The following MCMDC2 variants were observed in gnomAD, a reference collection of about 807,000 sequenced individuals.
The protein encoded by MCMDC2 is minichromosome maintenance domain-containing protein 2.
MCMDC2 carries 54 observed loss-of-function variants against 75.8 expected under a neutral mutation model. The ratio of observed to expected loss-of-function variants is 0.71; its 90% CI spans 0.57 to 0.89. The LOEUF (loss-of-function observed/expected upper bound fraction) is 0.89. Ranked by LOEUF, MCMDC2 falls within the 40% of genes least tolerant of loss-of-function variation. MCMDC2 has a pLI of 0.00. For missense variants in MCMDC2, 656 were observed against 780.4 expected, an observed-to-expected ratio of 0.84 and a Z score of 1.90; for synonymous variants, 249 against 274.6, an observed-to-expected ratio of 0.91 and a Z score of 0.92.
chr8:66,891,741 A>G (rs1401546818), intron 10 of MCMDC2, among the ~76,000 whole-genome samples: 1 of 152,206 alleles, frequency 6.6e-6, no homozygotes, highest in Non-Finnish European at 1.5e-5. Flanking sequence ...CCTGCTGAGG[A>G]TAAGCCAGGA....
At chr8:66,911,417 G>C (rs1813116919) in intron 14 of MCMDC2, among the ~76,000 whole-genome samples, 1 of 152,160 alleles carries the variant, frequency 6.6e-6, no homozygotes, top group Non-Finnish European at 1.5e-5. Flanking sequence ...ATGCTGAACT[G>C]TGAGTCAATT....
chr8:66,881,877 G>A (rs1811583762), intron 8 of MCMDC2, among the ~76,000 whole-genome samples: 1 of 152,184 alleles, frequency 6.6e-6, no homozygotes, highest in Admixed American at 6.5e-5. Context: ...TGGCTCACAA[G>A]TATCTAAATA....
chr8:66,914,745 A>G (rs959886695), intron 14 of MCMDC2, among the ~76,000 whole-genome samples: 10 of 152,246 alleles, frequency 6.6e-5, no homozygotes, highest in African/African-American at 2.2e-4. Flanking sequence ...GTGGGAGACC[A>G]GTTGTTGTAG....
intron 1 of MCMDC2, among the ~76,000 whole-genome samples, chr8:66,871,994 C>A (rs1224543694): frequency 6.6e-6 from 1 of 152,134 alleles, no homozygotes; most frequent in African/African-American, 2.4e-5. Flanking sequence ...CGTACATAAT[C>A]TGGCCTCACC....
At chr8:66,880,397 C>T (rs1811504205) in intron 7 of MCMDC2, among the ~76,000 whole-genome samples, 1 of 152,032 alleles carries the variant, frequency 6.6e-6, no homozygotes, top group African/African-American at 2.4e-5. Flanking sequence ...GTCTCAAAAA[C>T]AAACAAAAAG....
chr8:66,907,575 T>C (rs576010015), intron 14 of MCMDC2, among the ~76,000 whole-genome samples: 18 of 152,312 alleles, frequency 1.2e-4, no homozygotes, highest in African/African-American at 4.1e-4. Context: ...TTAAAATCCT[T>C]TGGGTATATA....
Position 66,896,325 on chromosome 8 carries a change from A to T in MCMDC2, c.1435A>T (p.Ile479Phe). 1 of 1,606,554 alleles carries T rather than the reference A, an allele frequency of 6.2e-7. No homozygotes were observed. The highest frequency in any genetic ancestry group is 1.3e-5 in the African/African-American group (1 of 74,710). Reference protein sequence around the residue: ...RRNAQKINTLIGQMDCSLIPA... With the variant: ...RRNAQKINTLFGQMDCSLIPA... ...AAATGCACAGAAAATCAACACTCTAATTGGTCAGATGGTAAGGTATATGTA... is the reference window on the plus strand; with the variant it reads ...AAATGCACAGAAAATCAACACTCTATTTGGTCAGATGGTAAGGTATATGTA... The change falls in exon 11 of 15, where the codon ATT becomes TTT. Residue 479 changes from isoleucine to phenylalanine, a missense_variant. Transcript: ENST00000422365.
intron 14 of MCMDC2, among the ~76,000 whole-genome samples, chr8:66,912,072 T>C (rs377151784): frequency 1.3e-5 from 2 of 149,918 alleles, no homozygotes; most frequent in East Asian, 3.8e-4. Context: ...TTGAAAACCT[T>C]CTGGAAAAGA....
At chr8:66,917,876 T>C (rs1813380006) in intron 14 of MCMDC2, among the ~76,000 whole-genome samples, 1 of 152,244 alleles carries the variant, frequency 6.6e-6, no homozygotes, top group Non-Finnish European at 1.5e-5. Context: ...GTGGGTGTGC[T>C]AATATCTCTT....
intron 4 of MCMDC2, among the ~76,000 whole-genome samples, chr8:66,876,815 C>T (rs2130793045): frequency 6.6e-6 from 1 of 152,178 alleles, no homozygotes; most frequent in Admixed American, 6.5e-5. Flanking sequence ...GGCTGGAGTG[C>T]AGTGGCGCGA....
rs1417946589 is a variant in MCMDC2, at chr8:66,883,748, T to TA, written c.836-8dup. The TA allele has an allele frequency of 6.7e-7, 1 of 1,487,588 alleles. No homozygotes were observed. Among genetic ancestry groups the TA allele is most frequent in the Non-Finnish European group, 9.3e-7 (1 of 1,072,472 alleles). 92.1% of individuals were successfully genotyped at this position (1,487,588 alleles called of 1,614,324 possible). A position where few individuals can be genotyped will look rare whatever the true frequency, so the allele number is the denominator to read the frequency against. ...CCTTTCTAATATATATGTTAATATT[T>TA]ACTTTCAGTTCCTTCAGGAATTAGT... On this transcript the variant is annotated splice_polypyrimidine_tract_variant and intron_variant, in intron 8 of 14. Coordinates refer to ENST00000422365, the MANE Select transcript of MCMDC2 (RefSeq NM_173518.5).
At chr8:66,891,967 G>T (rs1387268924) in intron 10 of MCMDC2, among the ~76,000 whole-genome samples, 4 of 152,208 alleles carry the variant, frequency 2.6e-5, no homozygotes, top group African/African-American at 9.6e-5. Context: ...CTGAAAACTT[G>T]GAGATACCAG....
intron 14 of MCMDC2, among the ~76,000 whole-genome samples, chr8:66,912,622 C>G (rs1214874395): frequency 1.3e-5 from 2 of 152,152 alleles, no homozygotes; most frequent in African/African-American, 4.8e-5. Flanking sequence ...AGAATGAGTT[C>G]ATGTACTTTG....
chr8:66,902,536 C>T (rs930534323), intron 13 of MCMDC2, among the ~76,000 whole-genome samples: 29 of 148,554 alleles, frequency 2.0e-4, no homozygotes, highest in African/African-American at 6.4e-4. Context: ...CAAAAAAATA[C>T]AAAAAAAATT....
chr8:66,915,681 G>A (rs973338651), intron 14 of MCMDC2, among the ~76,000 whole-genome samples: 2 of 151,724 alleles, frequency 1.3e-5, no homozygotes, highest in Non-Finnish European at 2.9e-5. Context: ...GGAGCTTAGA[G>A]AAAAGCTCTA....
chr8:66,918,461 C>T (rs181113676), intron 14 of MCMDC2, among the ~76,000 whole-genome samples: 37 of 152,278 alleles, frequency 2.4e-4, no homozygotes, highest in Middle Eastern at 6.8e-3. Flanking sequence ...GTCCTTTCCC[C>T]TAGAATGGTC....
chr8:66,897,421 GA>G (rs908571695), intron 12 of MCMDC2, among the ~76,000 whole-genome samples: 1 of 139,644 alleles, frequency 7.2e-6, no homozygotes, highest in Admixed American at 7.4e-5. Context: ...AAAAAAAAAA[GA>G]AAAAAAGAAA....
chr8:66,875,298 A>G (rs1811224728), intron 4 of MCMDC2, among the ~76,000 whole-genome samples: 1 of 151,680 alleles, frequency 6.6e-6, no homozygotes, highest in Non-Finnish European at 1.5e-5. Flanking sequence ...TCTTTTTTTG[A>G]GAAGGAGCTT....
chr8:66,914,138 A>G (rs1368173903), intron 14 of MCMDC2, among the ~76,000 whole-genome samples: 1 of 151,356 alleles, frequency 6.6e-6, no homozygotes, highest in Non-Finnish European at 1.5e-5. Context: ...TTTTTAATAG[A>G]TGGGTGTGAT....
Sources: gnomAD v4.1 joint callset for allele counts (sites outside exome capture counted in the v4.1 genomes callset) on GRCh38, gnomAD v4.1.1 for gene constraint, MANE v1.5 for transcripts, NCBI Gene and HGNC (gene_info 2026-07-23, HGNC 2026-07-21) for gene names.